Variants in NCOA4 observed in about 807,000 individuals in gnomAD.
NCOA4 encodes the protein nuclear receptor coactivator 4, also known as 70 kDa AR-activator.
A neutral mutation model predicts 69.5 loss-of-function variants in NCOA4; 31 were observed. That is an observed-to-expected ratio of 0.45 (90% CI 0.34 to 0.60). The LOEUF (loss-of-function observed/expected upper bound fraction) is 0.60, where lower values mean the gene tolerates loss of function less well. Ranked by LOEUF, NCOA4 falls within the 20% of genes least tolerant of loss-of-function variation. The pLI, the probability that NCOA4 is intolerant of heterozygous loss-of-function variation, is 0.02. For missense variants in NCOA4, 600 were observed against 719.2 expected (o/e 0.83, Z 1.90); for synonymous variants, 228 against 252.4 (o/e 0.90, Z 0.92).
At position 46,005,998 on chromosome 10, in the gene NCOA4, GAACT is replaced by G. The variant is rs1487453366; in HGVS notation, c.*590_*593del. 9.7e-6 allele frequency: 2 copies of G among 205,662 alleles called. No individual in the cohort carries two copies. Among genetic ancestry groups the G allele is most frequent in the East Asian group, 7.4e-5 (1 of 13,444 alleles). 12.7% of individuals were successfully genotyped at this position (205,662 alleles called of 1,614,324 possible). A position where few individuals can be genotyped will look rare whatever the true frequency, so the allele number is the denominator to read the frequency against. On this transcript the variant is annotated 3_prime_UTR_variant, in exon 10 of 10. Coordinates refer to ENST00000581486, the MANE Select transcript of NCOA4 (RefSeq NM_001145263.2). The stretch of plus-strand genomic sequence containing the variant: ...CTGAGTTTAAGTGAAGAATAATGTA[GAACT>G]AACGTGGGCTAAAATGTTTCATAAT...
chr10:46,024,620 G>C (rs914636116), intron 1 of NCOA4, among the ~76,000 whole-genome samples: 1 of 152,186 alleles, frequency 6.6e-6, no homozygotes, highest in Non-Finnish European at 1.5e-5. Flanking sequence ...TAAGGAGAAA[G>C]AAAATCACAA....
intron 1 of NCOA4, among the ~76,000 whole-genome samples, chr10:46,021,985 C>T (rs1564927603): frequency 6.6e-6 from 1 of 151,990 alleles, no homozygotes. Flanking sequence ...AATAAATAAA[C>T]AGTACCCTTG....
In NCOA4 at chr10:46,021,671, T is replaced by TAAAC. The variant is rs1399061732; in HGVS notation, c.-14-4978_-14-4977insGTTT. Among the ~76,000 whole-genome samples the TAAAC allele has an allele frequency of 4.3e-3, 649 of 152,212 alleles. 5 individuals are homozygous for TAAAC. Among genetic ancestry groups the TAAAC allele is most frequent in the East Asian group, 0.019 (97 of 5,178 alleles). ...CTGCCTTGGATAACACTAACAAAAA[T>TAAAC]AGTACTGGCCGGGCGCGGTGACTCA... is the stretch of plus-strand genomic sequence containing the variant. On this transcript the variant is annotated intron_variant, in intron 1 of 9. Coordinates refer to ENST00000581486, the MANE Select transcript of NCOA4 (RefSeq NM_001145263.2).
intron 1 of NCOA4, among the ~76,000 whole-genome samples, chr10:46,028,062 T>G (rs781836033): frequency 6.6e-6 from 1 of 152,180 alleles, no homozygotes; most frequent in Admixed American, 6.5e-5. Flanking sequence ...ACTCTTCCCC[T>G]CTACCCTTAC....
chr10:46,028,027 T>G (rs545649142), intron 1 of NCOA4, among the ~76,000 whole-genome samples: 1 of 152,326 alleles, frequency 6.6e-6, no homozygotes, highest in African/African-American at 2.4e-5. Flanking sequence ...CCAGGACTCT[T>G]GCAGAAACCT....
In NCOA4 at chr10:46,005,660, A is replaced by T. The variant is rs192532512; in HGVS notation, c.*932T>A. On this transcript the variant is annotated 3_prime_UTR_variant, in exon 10 of 10. Transcript: ENST00000581486. ...AAACGTCACTTTTGGAGGTACAGGT[A>T]TGCTGTGCTTGCAGTGAGAGGATGA... 3 of 218,808 alleles carry T rather than the reference A, an allele frequency of 1.4e-5. No homozygotes were observed. The highest frequency in any genetic ancestry group is 2.8e-5 in the Non-Finnish European group (3 of 108,640). 13.6% of individuals were successfully genotyped at this position (218,808 alleles called of 1,614,324 possible). A position where few individuals can be genotyped will look rare whatever the true frequency, so the allele number is the denominator to read the frequency against.
At chr10:46,022,489 G>T in intron 1 of NCOA4, 1 of 462,722 alleles carries the variant, frequency 2.2e-6, no homozygotes, top group Non-Finnish European at 4.4e-6. Flanking sequence ...GTTTTGAGAC[G>T]GAGTCTAGCT....
intron 5 of NCOA4, among the ~76,000 whole-genome samples, chr10:46,013,865 A>G (rs993445515): frequency 6.6e-6 from 1 of 152,212 alleles, no homozygotes; most frequent in Non-Finnish European, 1.5e-5. Context: ...CACTTTTAAC[A>G]AGACCCAAAC....
chr10:46,018,018 T>C (rs1372659162), intron 1 of NCOA4, among the ~76,000 whole-genome samples: 1 of 152,218 alleles, frequency 6.6e-6, no homozygotes, highest in Non-Finnish European at 1.5e-5. Context: ...ACAGAAGACT[T>C]GTGGCAAGAC....
intron 9 of NCOA4, among the ~76,000 whole-genome samples, 188 bp from the exon 10 acceptor site, chr10:46,006,785 C>T (rs1838843971): frequency 6.6e-6 from 1 of 152,202 alleles, no homozygotes; most frequent in Non-Finnish European, 1.5e-5. Context: ...CAATAAATGT[C>T]CTGAATGCCC....
rs541662906 is a variant in NCOA4, at chr10:46,005,135, C to T, written c.*1457G>A. On this transcript the variant is annotated 3_prime_UTR_variant, in exon 10 of 10. Coordinates refer to ENST00000581486, the MANE Select transcript of NCOA4 (RefSeq NM_001145263.2). ...GAAGCAGATACAAAATTCATCAATG[C>T]AAAAGAATGTTTTACATACTCATTA... The T allele has an allele frequency of 1.6e-5, 3 of 191,474 alleles. No individual in the cohort carries two copies. In the South Asian group the frequency reaches 5.8e-4, roughly 37 times the overall value. The allele number at this position is 191,474 out of a possible 1,614,324, so 11.9% of individuals were successfully genotyped here.
In NCOA4 at chr10:46,010,557, T is replaced by C. The variant is rs1839147034; in HGVS notation, c.1364A>G (p.Asp455Gly). 6.2e-7 allele frequency: 1 copy of C among 1,614,074 alleles called. No homozygotes were observed. The highest frequency in any genetic ancestry group is 8.5e-7 in the Non-Finnish European group (1 of 1,180,036). ...EPKPEPEKHK[D>G]SLNMWLCPRK... ...AGGACAGAGCCACATATTCAGGGAA[T>C]CTTTATGCTTCTCAGGCTCAGGTTT... Residue 455 changes from aspartate (D) to glycine (G), a missense_variant, in exon 8 of 10, where the codon GAT (aspartate) becomes GGT (glycine). Physicochemically the swap from Asp to Gly is moderately conservative, Grantham distance 94 (BLOSUM62 -1). Transcript: ENST00000581486.
chr10:46,009,290 A>C, intron 9 of NCOA4, 121 bp downstream of exon 9: 1 of 1,471,802 alleles, frequency 6.8e-7, no homozygotes, highest in Non-Finnish European at 9.4e-7. Context: ...TCACTTGCCT[A>C]ATATACATAC....
intron 9 of NCOA4, among the ~76,000 whole-genome samples, chr10:46,008,760 G>A (rs1191093341): frequency 3.3e-5 from 5 of 152,270 alleles, no homozygotes; most frequent in South Asian, 4.1e-4. Flanking sequence ...GAAATATTTC[G>A]TGAAAGGAAA....
At chr10:46,023,052 A>C (rs1223946938) in intron 1 of NCOA4, among the ~76,000 whole-genome samples, 1 of 152,244 alleles carries the variant, frequency 6.6e-6, no homozygotes, top group African/African-American at 2.4e-5. Flanking sequence ...ATCCCAGCAC[A>C]TCAATTTTCT....
At chr10:46,019,372 G>C (rs1335603359) in intron 1 of NCOA4, 15 of 985,326 alleles carry the variant, frequency 1.5e-5, no homozygotes, top group Non-Finnish European at 1.7e-5. Context: ...GCTGGAGCGT[G>C]ATGGGCTGCT....
chr10:46,022,398 A>C (rs1554924575), intron 1 of NCOA4: 1 of 450,398 alleles, frequency 2.2e-6, no homozygotes, highest in South Asian at 1.7e-5. Context: ...AATATTTTGC[A>C]ATTTTACCTT....
intron 9 of NCOA4, among the ~76,000 whole-genome samples, chr10:46,007,199 C>T (rs1838881002): frequency 6.6e-6 from 1 of 152,110 alleles, no homozygotes; most frequent in Admixed American, 6.6e-5. Flanking sequence ...TTAGTGGTCT[C>T]TATAGGAGAT....
chr10:46,014,993 T>C (rs1554922781), intron 3 of NCOA4, 51 bp from the exon 4 acceptor site: 5 of 1,587,368 alleles, frequency 3.1e-6, no homozygotes, highest in Non-Finnish European at 3.5e-6. Context: ...AAGCACCAGA[T>C]ATACTCAAGT....
Sources: allele counts gnomAD v4.1 joint callset (sites outside exome capture counted in the v4.1 genomes callset), GRCh38; gene constraint gnomAD v4.1.1; transcripts MANE v1.5; gene names NCBI Gene and HGNC (gene_info 2026-07-23, HGNC 2026-07-21).